The following CENPP variants were observed in gnomAD, a reference collection of about 807,000 sequenced individuals.
CENPP encodes centromere protein P.
In CENPP, 24 loss-of-function variants were observed where a neutral mutation model predicts 35.6. The observed-to-expected ratio is 0.67, with a 90% confidence interval of 0.49 to 0.95. The LOEUF is 0.95. Among genes scored for constraint, CENPP ranks in the 40% least tolerant of loss-of-function variants. CENPP has a pLI of 0.00. For missense variants in CENPP, 332 were observed against 345.3 expected (o/e 0.96, Z 0.31); for synonymous variants, 120 against 125.5 (o/e 0.96, Z 0.29).
intron 4 of CENPP, among the ~76,000 whole-genome samples, chr9:92,374,073 C>T (rs1483696269): frequency 2.1e-5 from 3 of 144,898 alleles, no homozygotes; most frequent in Admixed American, 7.1e-5. Context: ...GGTCTACCCC[C>T]AGTTGCTGGA....
At chr9:92,596,260 A>T (rs1850776758) in intron 5 of CENPP, among the ~76,000 whole-genome samples, 2 of 152,062 alleles carry the variant, frequency 1.3e-5, no homozygotes, top group South Asian at 4.2e-4. Context: ...AAGTCTTCCA[A>T]GTAGCTAGGG....
At chr9:92,570,125 G>T (rs946899999) in intron 5 of CENPP, among the ~76,000 whole-genome samples, 5 of 152,122 alleles carry the variant, frequency 3.3e-5, no homozygotes, top group Non-Finnish European at 5.9e-5. Context: ...TGTTGAATAG[G>T]AGTGGTGAGA....
rs568950731 is a variant in CENPP, at chr9:92,495,935, G to A, written c.565-115379G>A. 54 of 985,888 alleles carry A rather than the reference G, an allele frequency of 5.5e-5. No individual in the cohort carries two copies. The African/African-American group carries it at 9.1e-4, about 17-fold the overall frequency. 61.1% of individuals were successfully genotyped at this position (985,888 alleles called of 1,614,324 possible). Reference sequence around the variant, plus strand: ...TGTTGTCATTATGCTTCTTAATCTTGAACCAAAAGATACATAATTTTTAAA... The same window carrying A: ...TGTTGTCATTATGCTTCTTAATCTTAAACCAAAAGATACATAATTTTTAAA... On this transcript the variant is annotated intron_variant, in intron 5 of 7. Transcript: ENST00000375587.
rs371693329 is a variant in CENPP at position 92,342,902 on chromosome 9, G to C, written c.379-2797G>C. On this transcript the variant is annotated intron_variant, in intron 3 of 7. Transcript: ENST00000375587. ...GGAAACTTACAAATTCTGATTGATA[G>C]TGGCAAATTGCCTTCTAAAATAGTT... Among the ~76,000 whole-genome samples, 132 of 152,256 alleles carry C rather than the reference G, an allele frequency of 8.7e-4. 1 individual carries two copies. The highest frequency in any genetic ancestry group is 6.8e-3 in the Middle Eastern group (2 of 294).
At chr9:92,440,853 A>G (rs995845758) in intron 5 of CENPP, among the ~76,000 whole-genome samples, 2 of 152,210 alleles carry the variant, frequency 1.3e-5, no homozygotes, top group African/African-American at 4.8e-5. Flanking sequence ...CCCCCAAGGT[A>G]AAACCGAGAC....
intron 5 of CENPP, among the ~76,000 whole-genome samples, chr9:92,561,713 T>C (rs1176203900): frequency 2.6e-5 from 4 of 152,244 alleles, no homozygotes; most frequent in African/African-American, 9.6e-5. Flanking sequence ...TAGACATTTT[T>C]GGTATGCTTA....
chr9:92,549,833 C>A (rs1447103449), intron 5 of CENPP, among the ~76,000 whole-genome samples: 1 of 152,110 alleles, frequency 6.6e-6, no homozygotes, highest in African/African-American at 2.4e-5. Context: ...CTGAGCAGTT[C>A]TCTTACTCCC....
intron 5 of CENPP, among the ~76,000 whole-genome samples, chr9:92,588,315 C>A (rs1244497808): frequency 1.3e-5 from 2 of 151,600 alleles, no homozygotes; most frequent in African/African-American, 4.8e-5. Context: ...GTGGCGCGAT[C>A]TCGGCTCACT....
intron 5 of CENPP, among the ~76,000 whole-genome samples, chr9:92,550,395 C>CA (rs34946434): frequency 1.9e-3 from 277 of 145,884 alleles, no homozygotes; most frequent in Middle Eastern, 0.014. Context: ...GACTCTGTCT[C>CA]AAAAAAAAAA....
At chr9:92,567,401 T>TATATAG (rs1265662406) in intron 5 of CENPP, among the ~76,000 whole-genome samples, 1 of 124,370 alleles carries the variant, frequency 8.0e-6, no homozygotes, top group Non-Finnish European at 1.8e-5. Context: ...TATATAGATA[T>TATATAG]ATATATAAAG....
chr9:92,514,888 C>A (rs778924845), intron 5 of CENPP: 2 of 1,613,372 alleles, frequency 1.2e-6, no homozygotes, highest in Admixed American at 1.7e-5. Flanking sequence ...CCTTCCTTGG[C>A]GTTGTTGCTG....
chr9:92,558,075 G>T (rs1161590601), intron 5 of CENPP, among the ~76,000 whole-genome samples: 13 of 151,960 alleles, frequency 8.6e-5, no homozygotes, highest in Non-Finnish European at 4.4e-5. Flanking sequence ...CTTGCTTTGG[G>T]CTTTGCCTTT....
rs1297649954 is a variant in CENPP at position 92,548,103 on chromosome 9, A to G, written c.565-63211A>G. On this transcript the variant is annotated intron_variant, in intron 5 of 7. Coordinates refer to ENST00000375587, the MANE Select transcript of CENPP (RefSeq NM_001012267.3). Reference sequence around the variant, plus strand: ...AGACACACAATTAATATATAAAAATAAATAGTGGTTTGGCATCCCTGAGGT... The same window carrying G: ...AGACACACAATTAATATATAAAAATGAATAGTGGTTTGGCATCCCTGAGGT... 3.3e-5 allele frequency among the ~76,000 whole-genome samples: 5 copies of G among 152,238 alleles called. No homozygotes were observed. In the East Asian group the frequency reaches 9.6e-4, roughly 29 times the overall value.
At chr9:92,522,237 C>T (rs999532761) in intron 5 of CENPP, among the ~76,000 whole-genome samples, 1 of 151,998 alleles carries the variant, frequency 6.6e-6, no homozygotes, top group Non-Finnish European at 1.5e-5. Flanking sequence ...CAGGTACATG[C>T]CACCACACCC....
chr9:92,555,584 T>TA (rs1347569784), intron 5 of CENPP, among the ~76,000 whole-genome samples: 1 of 152,172 alleles, frequency 6.6e-6, no homozygotes, highest in African/African-American at 2.4e-5. Context: ...CTGTTCAGGT[T>TA]ATCTAATTCT....
intron 5 of CENPP, among the ~76,000 whole-genome samples, chr9:92,435,735 AT>A (rs1422656357): frequency 6.6e-6 from 1 of 152,246 alleles, no homozygotes; most frequent in Non-Finnish European, 1.5e-5. Context: ...TGCTGCATGT[AT>A]CACTGGTTTA....
At chr9:92,494,506 A>G (rs1031822872) in intron 5 of CENPP, among the ~76,000 whole-genome samples, 1 of 152,166 alleles carries the variant, frequency 6.6e-6, no homozygotes, top group Non-Finnish European at 1.5e-5. Context: ...ACAACCTGCT[A>G]TAAGTCTTTG....
intron 5 of CENPP, among the ~76,000 whole-genome samples, chr9:92,395,164 C>CA (rs1480901547): frequency 1.3e-5 from 2 of 152,114 alleles, no homozygotes; most frequent in Non-Finnish European, 2.9e-5. Context: ...CCTGTCACTC[C>CA]AAAAAGTTTT....
At chr9:92,546,755 G>T (rs1217841648) in intron 5 of CENPP, among the ~76,000 whole-genome samples, 1 of 152,128 alleles carries the variant, frequency 6.6e-6, no homozygotes, top group East Asian at 1.9e-4. Flanking sequence ...ACAATTTTAT[G>T]CTAGTAAATT....
Sources: gnomAD v4.1 joint callset for allele counts (sites outside exome capture counted in the v4.1 genomes callset) on GRCh38, gnomAD v4.1.1 for gene constraint, MANE v1.5 for transcripts, NCBI Gene and HGNC (gene_info 2026-07-23, HGNC 2026-07-21) for gene names.